MICAL2: variants seen among roughly 807,000 people sequenced by gnomAD.
MICAL2 encodes the protein microtubule associated monooxygenase, calponin and LIM domain containing 2, also known as [F-actin]-monooxygenase MICAL2.
MICAL2 carries 77 observed loss-of-function variants against 127.3 expected under a neutral mutation model. The observed-to-expected ratio is 0.60, with a 90% confidence interval of 0.50 to 0.73. The LOEUF is 0.73. MICAL2 is among the 30% of genes least tolerant of loss of function. The probability of loss-of-function intolerance (pLI) is 0.00; values close to 1 mark genes in which losing one functional copy is unlikely to be tolerated. For missense variants in MICAL2, 1,351 were observed against 1,434.4 expected, an observed-to-expected ratio of 0.94 and a Z score of 0.94; for synonymous variants, 570 against 551.1, an observed-to-expected ratio of 1.03 and a Z score of -0.48.
Position 12,220,212 on chromosome 11 carries a change from C to A in MICAL2, c.960C>A (p.Asp320Glu). 4 of 1,614,162 alleles carry A rather than the reference C, an allele frequency of 2.5e-6. No individual in the cohort carries two copies. Among genetic ancestry groups the A allele is most frequent in the Non-Finnish European group, 3.4e-6 (4 of 1,180,026 alleles). ...TTCATCTTCCCCAGGACTACATCGA[C>A]ACAGAGATGCTGCTGTGTGCGGAGA... ...DKGVIINDYI[D>E]TEMLLCAENV... is the part of the protein sequence containing the mutation. Residue 320 changes from aspartate (D) to glutamate (E), a missense_variant, in exon 9 of 28, where the codon GAC (aspartate) becomes GAA (glutamate). By Grantham distance (45) the Asp-to-Glu change is conservative. Coordinates refer to ENST00000683283, the MANE Select transcript of MICAL2 (RefSeq NM_001282663.2).
At chr11:12,272,411 T>C (rs148633697), upstream of MICAL2, among the ~76,000 whole-genome samples, 1 of 152,328 alleles carries the variant, frequency 6.6e-6, no homozygotes, top group East Asian at 1.9e-4. Flanking sequence ...TGAACATGCC[T>C]TATCTCCCTT....
rs143631215 is a variant in MICAL2 at position 12,128,461 on chromosome 11, C to T, written c.-148-9929C>T. ...GTCACATAGCTGGTAAATGGCAGAGCTGGGATTAATCCATGAGTGTTCCAT... is the reference window on the plus strand; with the variant it reads ...GTCACATAGCTGGTAAATGGCAGAGTTGGGATTAATCCATGAGTGTTCCAT... On this transcript the variant is annotated intron_variant, in intron 1 of 27. Transcript: ENST00000683283. Among the ~76,000 whole-genome samples the T allele has an allele frequency of 5.3e-5, 8 of 152,350 alleles. No homozygotes were observed. In the East Asian group the frequency reaches 1.3e-3, roughly 26 times the overall value.
intron 25 of MICAL2, chr11:12,259,575 G>A (rs911812745): frequency 3.4e-5 from 15 of 436,658 alleles, no homozygotes; most frequent in African/African-American, 2.8e-4. Context: ...CCGATCAAAA[G>A]GCATGCATAT....
intron 1 of MICAL2, among the ~76,000 whole-genome samples, chr11:12,133,636 A>T (rs910616617): frequency 6.6e-6 from 1 of 152,086 alleles, no homozygotes; most frequent in East Asian, 1.9e-4. Flanking sequence ...AAAAAAAAGT[A>T]AAACAAAAAA....
chr11:12,357,155 C>G (rs779631749), intron 34 of MICAL2, among the ~76,000 whole-genome samples: 9 of 152,168 alleles, frequency 5.9e-5, no homozygotes, highest in Non-Finnish European at 1.3e-4. Context: ...AGAGCTAAGC[C>G]TGATGAAGGA....
intron 3 of MICAL2, among the ~76,000 whole-genome samples, chr11:12,186,694 T>A (rs1858335251): frequency 6.6e-6 from 1 of 152,194 alleles, no homozygotes; most frequent in Non-Finnish European, 1.5e-5. Flanking sequence ...GTTTGCCTCT[T>A]ACGGGCTCAA....
chr11:12,361,487 T>A (rs1187475847), downstream of MICAL2, among the ~76,000 whole-genome samples: 1 of 152,180 alleles, frequency 6.6e-6, no homozygotes, highest in East Asian at 1.9e-4. Flanking sequence ...ATCTCAAGCA[T>A]AAAGAATATC....
downstream of MICAL2, among the ~76,000 whole-genome samples, chr11:12,266,655 A>G (rs934994365): frequency 6.6e-6 from 1 of 152,234 alleles, no homozygotes; most frequent in African/African-American, 2.4e-5. Flanking sequence ...AAGCAAGTCT[A>G]GAGCCACATT....
At chr11:12,333,425 G>A (rs1045555516) in intron 32 of MICAL2, among the ~76,000 whole-genome samples, 1 of 151,414 alleles carries the variant, frequency 6.6e-6, no homozygotes, top group Non-Finnish European at 1.5e-5. Flanking sequence ...AAAACCATGC[G>A]GCAAACATCA....
chr11:12,267,144 T>C (rs558750760), downstream of MICAL2, among the ~76,000 whole-genome samples: 11 of 152,106 alleles, frequency 7.2e-5, no homozygotes, highest in African/African-American at 2.7e-4. Context: ...GCTCTGGAGC[T>C]CCCCTTCCCT....
At chr11:12,194,932 A>G (rs913766071) in intron 3 of MICAL2, among the ~76,000 whole-genome samples, 23 of 152,356 alleles carry the variant, frequency 1.5e-4, no homozygotes, top group African/African-American at 5.5e-4. Context: ...GGCAGTAGGA[A>G]AAAAGAGTAT....
intron 3 of MICAL2, among the ~76,000 whole-genome samples, chr11:12,184,497 C>A (rs1363190462): frequency 2.0e-5 from 3 of 152,212 alleles, no homozygotes; most frequent in African/African-American, 7.2e-5. Flanking sequence ...TAAGGAAATG[C>A]CATCCTCCTG....
intron 16 of MICAL2, among the ~76,000 whole-genome samples, chr11:12,237,850 G>A (rs1199883781): frequency 2.6e-5 from 4 of 152,190 alleles, no homozygotes; most frequent in African/African-American, 9.7e-5. Flanking sequence ...TGATTTCCTG[G>A]TGATTCGTGG....
rs1474093713 is a variant in MICAL2 at position 12,340,136 on chromosome 11, C to G, written c.5516-9702C>G. ...AGAACCCTCAGATACAGACGGTCAA[C>G]TGTGTTTGCAAAAAAAATAACCAAA... On this transcript the variant is annotated intron_variant, in intron 32 of 34. Transcript: ENST00000646065. 3.9e-5 allele frequency among the ~76,000 whole-genome samples: 6 copies of G among 152,248 alleles called. No individual in the cohort carries two copies. In the East Asian group the frequency reaches 1.2e-3, roughly 29 times the overall value.
chr11:12,216,624 G>A (rs1228593376), intron 8 of MICAL2, among the ~76,000 whole-genome samples: 1 of 152,152 alleles, frequency 6.6e-6, no homozygotes, highest in African/African-American at 2.4e-5. Flanking sequence ...TTCTCTGGGA[G>A]GTCACATGTC....
intron 1 of MICAL2, chr11:12,116,611 G>C (rs942772269): frequency 1.3e-5 from 2 of 152,112 alleles, no homozygotes; most frequent in African/African-American, 2.4e-5. Context: ...GGCTGATAAG[G>C]TTTCTTCTTC....
intron 33 of MICAL2, among the ~76,000 whole-genome samples, chr11:12,351,795 T>TC (rs1266089262): frequency 1.3e-5 from 2 of 151,898 alleles, no homozygotes; most frequent in East Asian, 3.8e-4. Flanking sequence ...TATAACTTTT[T>TC]TTTTTTTTTC....
At chr11:12,228,304 T>G (rs73418129) in intron 15 of MICAL2, among the ~76,000 whole-genome samples, 6,484 of 152,202 alleles carry the variant, frequency 0.043, 299 homozygotes, top group East Asian at 0.27. Flanking sequence ...CACTCCAGCC[T>G]GGATAAGAAG....
At chr11:12,191,470 T>C (rs573980130) in intron 3 of MICAL2, among the ~76,000 whole-genome samples, 2 of 36,372 alleles carry the variant, frequency 5.5e-5, no homozygotes, top group Non-Finnish European at 7.3e-5. Context: ...AGACTATGTC[T>C]CAAAAAAAAA....
Sources: gnomAD v4.1 joint callset for allele counts (sites outside exome capture counted in the v4.1 genomes callset) on GRCh38, gnomAD v4.1.1 for gene constraint, MANE v1.5 for transcripts, NCBI Gene and HGNC (gene_info 2026-07-23, HGNC 2026-07-21) for gene names.